Variants in SLC35F4 observed in about 807,000 individuals in gnomAD.
SLC35F4 encodes the protein solute carrier family 35 member F4.
SLC35F4 carries 24 observed loss-of-function variants against 44.2 expected under a neutral mutation model. That is an observed-to-expected ratio of 0.54 (90% CI 0.39 to 0.76). The LOEUF (loss-of-function observed/expected upper bound fraction) is 0.76. SLC35F4 is among the 30% of genes least tolerant of loss of function. The pLI, the probability that SLC35F4 is intolerant of heterozygous loss-of-function variation, is 0.00. For synonymous variants in SLC35F4, 238 were observed against 223.6 expected, an observed-to-expected ratio of 1.06 and a Z score of -0.57; for missense variants, 562 against 586.1, an observed-to-expected ratio of 0.96 and a Z score of 0.42.
chr14:57,979,908 T>C (rs1881328393), intron 1 of SLC35F4, among the ~76,000 whole-genome samples: 1 of 152,228 alleles, frequency 6.6e-6, no homozygotes, highest in Non-Finnish European at 1.5e-5. Context: ...ATTTACACCA[T>C]GGAAAATAGT....
At chr14:57,777,560 A>G (rs2077518456) in intron 1 of SLC35F4, among the ~76,000 whole-genome samples, 2 of 152,026 alleles carry the variant, frequency 1.3e-5, no homozygotes, top group Non-Finnish European at 2.9e-5. Context: ...TCTCACTCAT[A>G]GGTGGGAGCT....
intron 1 of SLC35F4, among the ~76,000 whole-genome samples, chr14:57,714,641 A>T (rs1468339134): frequency 2.0e-5 from 3 of 152,224 alleles, no homozygotes; most frequent in African/African-American, 7.2e-5. Context: ...GCAAATACCT[A>T]CTGAAAGTCT....
chr14:57,612,148 G>T (rs2071548627), intron 1 of SLC35F4, among the ~76,000 whole-genome samples: 3 of 152,154 alleles, frequency 2.0e-5, no homozygotes, highest in South Asian at 2.1e-4. Context: ...CAACTTTGGA[G>T]ACTGAGGCAG....
At chr14:57,714,051 G>A (rs1354662240) in intron 1 of SLC35F4, among the ~76,000 whole-genome samples, 2 of 152,030 alleles carry the variant, frequency 1.3e-5, no homozygotes, top group African/African-American at 4.8e-5. Context: ...CCTAACACAG[G>A]GACAGTAGCA....
intron 1 of SLC35F4, among the ~76,000 whole-genome samples, chr14:57,692,511 C>G (rs545180565): frequency 3.7e-4 from 56 of 152,234 alleles, no homozygotes; most frequent in Non-Finnish European, 7.6e-4. Context: ...ACCACTTAAT[C>G]TGACGAAGTT....
At chr14:57,631,437 T>C (rs2072766840) in intron 1 of SLC35F4, among the ~76,000 whole-genome samples, 3 of 152,146 alleles carry the variant, frequency 2.0e-5, no homozygotes, top group South Asian at 4.1e-4. Context: ...TTGATCATAA[T>C]GTTGCTTAGT....
At chr14:57,758,214 G>A (rs947539752) in intron 1 of SLC35F4, among the ~76,000 whole-genome samples, 16 of 151,804 alleles carry the variant, frequency 1.1e-4, no homozygotes, top group Admixed American at 9.9e-4. Context: ...ATTATGATAC[G>A]CTTTAGTGAA....
intron 1 of SLC35F4, among the ~76,000 whole-genome samples, chr14:57,764,758 T>C (rs545964138): frequency 3.9e-5 from 6 of 152,328 alleles, no homozygotes; most frequent in African/African-American, 9.6e-5. Flanking sequence ...CCTTCAGTTA[T>C]GCAAAAGTAT....
intron 1 of SLC35F4, among the ~76,000 whole-genome samples, chr14:57,764,325 G>C (rs765435085): frequency 3.3e-5 from 5 of 152,012 alleles, no homozygotes; most frequent in African/African-American, 7.2e-5. Context: ...AAAAAAAAGA[G>C]AGCCACTTTG....
At chr14:57,844,275 G>T (rs1382589816) in intron 1 of SLC35F4, among the ~76,000 whole-genome samples, 1 of 152,140 alleles carries the variant, frequency 6.6e-6, no homozygotes, top group East Asian at 1.9e-4. Flanking sequence ...CTGGAATGAA[G>T]CATCAGGGCA....
chr14:57,653,075 TA>T (rs1159428890), intron 1 of SLC35F4, among the ~76,000 whole-genome samples: 1 of 152,138 alleles, frequency 6.6e-6, no homozygotes, highest in East Asian at 1.9e-4. Flanking sequence ...TTCAATGTAT[TA>T]AAAAACCTCA....
chr14:57,815,656 T>G (rs538025002), intron 1 of SLC35F4, among the ~76,000 whole-genome samples: 2 of 152,122 alleles, frequency 1.3e-5, no homozygotes, highest in Non-Finnish European at 2.9e-5. Flanking sequence ...AGAATTTACT[T>G]AAGGATGCAT....
chr14:57,796,591 G>A (rs752123541), intron 1 of SLC35F4, among the ~76,000 whole-genome samples: 1 of 152,182 alleles, frequency 6.6e-6, no homozygotes, highest in Non-Finnish European at 1.5e-5. Flanking sequence ...AGCAGAGTAG[G>A]TAGTGAAAGG....
intron 1 of SLC35F4, among the ~76,000 whole-genome samples, chr14:57,842,640 G>A (rs1456433534): frequency 6.6e-6 from 1 of 152,100 alleles, no homozygotes; most frequent in Non-Finnish European, 1.5e-5. Flanking sequence ...TCCATGTTTT[G>A]GGAATCACTC....
intron 1 of SLC35F4, among the ~76,000 whole-genome samples, chr14:57,680,459 G>A (rs984122381): frequency 9.2e-5 from 14 of 151,974 alleles, no homozygotes; most frequent in East Asian, 1.9e-4. Context: ...TTTGAAAACC[G>A]GCACAACACA....
rs77610795 is a variant in SLC35F4 at position 57,565,396 on chromosome 14, C to T, written c.1217-1020G>A. Among the ~76,000 whole-genome samples the T allele has an allele frequency of 9.3e-3, 1,412 of 152,300 alleles. 14 individuals carry two copies. Among genetic ancestry groups the T allele is most frequent in the Non-Finnish European group, 0.014 (932 of 68,026 alleles). On this transcript the variant is annotated intron_variant, in intron 7 of 7. Transcript: ENST00000556826. ...AAGCCTTTTGGATGCTCCTCCTATG[C>T]GCCCTCGCAGCATTCAGCACATACC...
intron 1 of SLC35F4, among the ~76,000 whole-genome samples, chr14:57,967,728 G>T (rs1274543028): frequency 3.3e-5 from 5 of 152,158 alleles, no homozygotes; most frequent in African/African-American, 1.2e-4. Context: ...GTAAGTTGGT[G>T]TAGAGTTAAA....
At chr14:57,574,008 T>C (rs1208790945) in intron 4 of SLC35F4, among the ~76,000 whole-genome samples, 1 of 152,138 alleles carries the variant, frequency 6.6e-6, no homozygotes, top group Non-Finnish European at 1.5e-5. Context: ...AATACATGGG[T>C]TTAGGCAATT....
intron 1 of SLC35F4, among the ~76,000 whole-genome samples, chr14:57,756,118 C>T (rs2076988825): frequency 6.6e-6 from 1 of 152,142 alleles, no homozygotes; most frequent in Admixed American, 6.5e-5. Flanking sequence ...CTTCTGCTTA[C>T]TTTGATTTCA....
Sources: allele counts gnomAD v4.1 joint callset (sites outside exome capture counted in the v4.1 genomes callset), GRCh38; gene constraint gnomAD v4.1.1; transcripts MANE v1.5; gene names NCBI Gene and HGNC (gene_info 2026-07-23, HGNC 2026-07-21).